The following THADA variants were observed in gnomAD, a reference collection of about 807,000 sequenced individuals.
The protein encoded by THADA is THADA armadillo repeat containing, also known as tRNA (32-2'-O)-methyltransferase regulator THADA.
Under a neutral mutation model 219.8 loss-of-function variants are expected in THADA, and 213 were observed. The observed-to-expected ratio is 0.97, with a 90% CI of 0.87 to 1.09. The LOEUF is 1.09. Ranked by LOEUF, THADA falls within the 50% of genes least tolerant of loss-of-function variation. THADA has a pLI of 0.00. For synonymous variants in THADA, 1,018 were observed against 828.9 expected (o/e 1.23, Z -3.92); for missense variants, 2,956 against 2,311.3 (o/e 1.28, Z -5.72).
At chr2:43,286,759 A>G (rs944273057) in intron 35 of THADA, 149 bp downstream of exon 35, 20 of 876,254 alleles carry the variant, frequency 2.3e-5, no homozygotes, top group African/African-American at 1.7e-5. Context: ...AAATGATTAG[A>G]GCATGAACTA....
At chr2:43,409,261 G>C (rs1675976984) in intron 28 of THADA, among the ~76,000 whole-genome samples, 1 of 151,922 alleles carries the variant, frequency 6.6e-6, no homozygotes, top group Admixed American at 6.6e-5. Context: ...CCCTCCTCAT[G>C]TTTCACAGAA....
intron 7 of THADA, among the ~76,000 whole-genome samples, chr2:43,583,304 T>C (rs926200212): frequency 3.9e-4 from 60 of 152,186 alleles, no homozygotes; most frequent in African/African-American, 1.4e-3. Flanking sequence ...TATAAGAAAA[T>C]CCTGTTGGTT....
rs201644357 is a variant in THADA, at chr2:43,431,547, C to A, written c.3837-1245G>T. Among the ~76,000 whole-genome samples, 59 of 149,856 alleles carry A rather than the reference C, an allele frequency of 3.9e-4. No homozygotes were observed. In the East Asian group the frequency reaches 0.011, roughly 28 times the overall value. On this transcript the variant is annotated intron_variant, in intron 26 of 37. Coordinates refer to ENST00000405975, the MANE Select transcript of THADA (RefSeq NM_022065.5). ...GTGGTGCGATCTCGGCTCACTGCAA[C>A]CTCCATCTCCTGGGTTCACGCCATT...
Position 43,551,779 on chromosome 2 carries a change from A to G in THADA, c.2947+10T>C. On this transcript the variant is annotated intron_variant, in intron 19 of 37. Coordinates refer to ENST00000405975, the MANE Select transcript of THADA (RefSeq NM_022065.5). ...CACAGCACTCTAGCCGGCCTTCTTC[A>G]TTTGCTAACCTGAATCAGTGTCCAT... 6.2e-7 allele frequency: 1 copy of G among 1,608,508 alleles called. No individual in the cohort carries two copies. Among genetic ancestry groups the G allele is most frequent in the South Asian group, 1.1e-5 (1 of 89,722 alleles).
intron 28 of THADA, among the ~76,000 whole-genome samples, chr2:43,425,360 C>G (rs1449489467): frequency 6.6e-6 from 1 of 151,916 alleles, no homozygotes; most frequent in Non-Finnish European, 1.5e-5. Flanking sequence ...TTCTGCATTC[C>G]TGGGTCAAAA....
intron 25 of THADA, among the ~76,000 whole-genome samples, chr2:43,493,447 A>G (rs1687901629): frequency 6.6e-6 from 1 of 152,172 alleles, no homozygotes; most frequent in African/African-American, 2.4e-5. Context: ...GTGAGATGAG[A>G]TTATGCCACT....
chr2:43,338,984 T>C (rs1391578309), intron 30 of THADA, among the ~76,000 whole-genome samples: 2 of 152,162 alleles, frequency 1.3e-5, no homozygotes, highest in Non-Finnish European at 2.9e-5. Context: ...AATGCTCTCA[T>C]GATACTATCG....
At chr2:43,404,631 C>A (rs1399820576) in intron 28 of THADA, among the ~76,000 whole-genome samples, 1 of 152,172 alleles carries the variant, frequency 6.6e-6, no homozygotes, top group African/African-American at 2.4e-5. Context: ...ACCTTCCCCA[C>A]AGTAGCTCTC....
chr2:43,490,590 C>T (rs1687503149), intron 25 of THADA, among the ~76,000 whole-genome samples: 2 of 152,058 alleles, frequency 1.3e-5, no homozygotes, highest in African/African-American at 2.4e-5. Context: ...GTTCTTTAGT[C>T]TATTCACACA....
intron 17 of THADA, among the ~76,000 whole-genome samples, chr2:43,554,205 C>T (rs1331009491): frequency 6.6e-6 from 1 of 152,164 alleles, no homozygotes; most frequent in East Asian, 1.9e-4. Flanking sequence ...CAATGACTGA[C>T]ATCTATGTTT....
intron 22 of THADA, among the ~76,000 whole-genome samples, chr2:43,514,657 G>GTATATAATAATATATAATATATTATATTA (rs1357924084): frequency 3.1e-5 from 2 of 64,732 alleles, no homozygotes; most frequent in Non-Finnish European, 5.2e-5. Flanking sequence ...TATATATATT[G>GTATATAATAATATATAATATATTATATTA]TATATAATAA....
At chr2:43,285,000 T>C (rs1459189676) in intron 35 of THADA, among the ~76,000 whole-genome samples, 1 of 152,212 alleles carries the variant, frequency 6.6e-6, no homozygotes, top group Admixed American at 6.5e-5. Context: ...CCATTTGGAA[T>C]GGGAGCATTT....
chr2:43,275,177 G>A (rs903936935), intron 36 of THADA, among the ~76,000 whole-genome samples: 1 of 151,716 alleles, frequency 6.6e-6, no homozygotes, highest in African/African-American at 2.4e-5. Context: ...GCTAATTTTT[G>A]TATTTTTATT....
chr2:43,241,354 G>A (rs1668601927), intron 36 of THADA, among the ~76,000 whole-genome samples: 1 of 151,864 alleles, frequency 6.6e-6, no homozygotes, highest in South Asian at 2.1e-4. Flanking sequence ...CTCCCAAGGT[G>A]CTAGGATTAC....
At chr2:43,372,241 G>A (rs886440899) in intron 29 of THADA, 1 of 152,164 alleles carries the variant, frequency 6.6e-6, no homozygotes, top group African/African-American at 2.4e-5. Flanking sequence ...AAGTTTTAAA[G>A]AGCTGCTAGT....
chr2:43,541,308 C>T lies in THADA; in HGVS notation c.3115G>A (p.Val1039Ile). 1 of 1,612,552 alleles carries T rather than the reference C, an allele frequency of 6.2e-7. No individual in the cohort carries two copies. Among genetic ancestry groups the T allele is most frequent in the South Asian group, 1.1e-5 (1 of 90,900 alleles). ...DTSTEIKGKE[V>I]KTCDVTAQMV... ...TGCGCAGTTACATCACATGTTTTTA[C>T]TTCTTTACCTTAAACAAAAAAAAAC... is the stretch of plus-strand genomic sequence containing the variant. Residue 1039 changes from valine (V) to isoleucine (I), a missense_variant, in exon 21 of 38, where the codon GTA (valine) becomes ATA (isoleucine). By Grantham distance (29) the Val-to-Ile change is conservative. Transcript: ENST00000405975.
At chr2:43,526,240 A>G (rs1574084536) in intron 22 of THADA, among the ~76,000 whole-genome samples, 1 of 152,202 alleles carries the variant, frequency 6.6e-6, no homozygotes, top group Non-Finnish European at 1.5e-5. Flanking sequence ...AGAGTCACAG[A>G]TTACTGGTAT....
At chr2:43,460,092 C>T (rs577141606) in intron 26 of THADA, among the ~76,000 whole-genome samples, 2 of 152,114 alleles carry the variant, frequency 1.3e-5, no homozygotes, top group Non-Finnish European at 2.9e-5. Context: ...CTACCCTGAA[C>T]AAGGACCTTG....
At chr2:43,405,332 C>T (rs1279196046) in intron 28 of THADA, among the ~76,000 whole-genome samples, 1 of 152,220 alleles carries the variant, frequency 6.6e-6, no homozygotes, top group Non-Finnish European at 1.5e-5. Flanking sequence ...ACCACACACA[C>T]ACACCAAGTT....
Sources: gnomAD v4.1 joint callset for allele counts (sites outside exome capture counted in the v4.1 genomes callset) on GRCh38, gnomAD v4.1.1 for gene constraint, MANE v1.5 for transcripts, NCBI Gene and HGNC (gene_info 2026-07-23, HGNC 2026-07-21) for gene names.